Variants in SDE2 observed in about 807,000 individuals in gnomAD.
SDE2 encodes spliceosome associated SDE2.
SDE2 carries 31 observed loss-of-function variants against 46.9 expected under a neutral mutation model. The observed-to-expected ratio is 0.66, with a 90% CI of 0.50 to 0.89. The LOEUF is 0.89. Ranked by LOEUF, SDE2 falls within the 40% of genes least tolerant of loss-of-function variation. SDE2 has a pLI of 0.00. For missense variants in SDE2, 542 were observed against 564.4 expected (o/e 0.96, Z 0.40); for synonymous variants, 205 against 204.3 (o/e 1.00, Z -0.03).
chr1:225,996,156 T>C (rs1245451682), intron 1 of SDE2, among the ~76,000 whole-genome samples: 2 of 152,164 alleles, frequency 1.3e-5, no homozygotes. Context: ...CTGTCTGGGG[T>C]TCTCCCAGAC....
intron 5 of SDE2, among the ~76,000 whole-genome samples, chr1:225,990,754 A>G (rs1656380875): frequency 6.6e-6 from 1 of 152,238 alleles, no homozygotes; most frequent in Non-Finnish European, 1.5e-5. Context: ...AAGGGAAGTC[A>G]CTGGCAACAA....
intron 2 of SDE2, 124 bp downstream of exon 2, chr1:225,995,142 G>T: frequency 3.2e-6 from 2 of 625,622 alleles, no homozygotes. Context: ...ATACTAAAGA[G>T]ACTAAGAAGG....
In SDE2 at chr1:225,985,408, C is replaced by A; in HGVS notation, c.1250G>T (p.Gly417Val). 1 of 1,614,030 alleles carries A rather than the reference C, an allele frequency of 6.2e-7. No individual in the cohort carries two copies. The highest frequency in any genetic ancestry group is 8.5e-7 in the Non-Finnish European group (1 of 1,179,880). The part of the protein sequence containing the change: ...ELMALGLKCG[G>V]TLQERAARLF... ...TCTTGCTGCCCGCTCCTGCAGAGTGCCCCCACATTTCAGTCCAAGGGCCAT... is the reference window on the plus strand; with the variant it reads ...TCTTGCTGCCCGCTCCTGCAGAGTGACCCCACATTTCAGTCCAAGGGCCAT... The change falls in exon 7 of 7, where the codon GGC becomes GTC. Residue 417 changes from glycine to valine, a missense_variant. Around this residue, in one of 3 missense-constraint regions of SDE2, gnomAD observed 401 missense variants for 437.8 expected, o/e 0.92. Transcript: ENST00000272091.
intron 4 of SDE2, 148 bp from the exon 5 acceptor site, chr1:225,991,511 A>T: frequency 1.7e-6 from 1 of 592,826 alleles, no homozygotes; most frequent in Non-Finnish European, 2.9e-6. Flanking sequence ...TTAATCTCAA[A>T]TTTACACAGA....
At chr1:225,992,648 T>G (rs1196955407) in intron 3 of SDE2, 81 bp from the exon 4 acceptor site, 3 of 936,402 alleles carry the variant, frequency 3.2e-6, no homozygotes, top group Non-Finnish European at 4.9e-6. Flanking sequence ...TCTGACGAAT[T>G]AATGCACTTG....
intron 1 of SDE2, among the ~76,000 whole-genome samples, chr1:225,996,191 C>G (rs1220343839): frequency 6.6e-6 from 1 of 152,106 alleles, no homozygotes; most frequent in Non-Finnish European, 1.5e-5. Flanking sequence ...GAGAGAGGAG[C>G]AAGGGAGCTC....
At chr1:225,988,747 C>G (rs1246984757) in intron 5 of SDE2, among the ~76,000 whole-genome samples, 3 of 151,978 alleles carry the variant, frequency 2.0e-5, no homozygotes, top group African/African-American at 7.2e-5. Context: ...ATAAATAAAG[C>G]AAAGAGTTAT....
intron 2 of SDE2, among the ~76,000 whole-genome samples, chr1:225,993,587 G>A (rs1470226466): frequency 6.6e-6 from 1 of 151,822 alleles, no homozygotes; most frequent in Non-Finnish European, 1.5e-5. Context: ...ACTCCAGCCT[G>A]GGAAACAGAG....
At position 225,992,902 on chromosome 1, in the gene SDE2, A is replaced by G; in HGVS notation, c.339T>C (p.Asn113=). Residue 113 remains asparagine, a synonymous_variant, in exon 3 of 7, where the codon AAT becomes AAC. Transcript: ENST00000272091. ...GGTGGGCATCTTACGCTTTTTCATG[A>G]TTGACATCGCGTAGTCTCCTTCCAC... The part of the protein sequence containing the change: ...DLSGRRLRDV[N]HEKAMAEWVK... 6.2e-7 allele frequency: 1 copy of G among 1,603,436 alleles called. No homozygotes were observed.
chr1:225,987,867 T>C (rs1331302182), intron 6 of SDE2, 29 bp downstream of exon 6: 1 of 1,579,808 alleles, frequency 6.3e-7, no homozygotes, highest in Non-Finnish European at 8.6e-7. Flanking sequence ...CTGATTTGGC[T>C]CTAGGTATCA....
At chr1:225,994,743 A>G (rs929148849) in intron 2 of SDE2, among the ~76,000 whole-genome samples, 7 of 152,216 alleles carry the variant, frequency 4.6e-5, no homozygotes, top group African/African-American at 1.7e-4. Flanking sequence ...CTCTTCATCT[A>G]ATTTTCCCCC....
In SDE2 at chr1:225,983,358, T is replaced by G. The variant is rs909408386; in HGVS notation, c.*1944A>C. The G allele has an allele frequency of 6.6e-6, 1 of 152,164 alleles. No homozygotes were observed. Among genetic ancestry groups the G allele is most frequent in the African/African-American group, 2.4e-5 (1 of 41,448 alleles). The allele number at this position is 152,164 out of a possible 1,614,324, so 9.4% of individuals were successfully genotyped here. A position where few individuals can be genotyped will look rare whatever the true frequency, so the allele number is the denominator to read the frequency against. On this transcript the variant is annotated 3_prime_UTR_variant, in exon 7 of 7. Coordinates refer to ENST00000272091, the MANE Select transcript of SDE2 (RefSeq NM_152608.4). The stretch of plus-strand genomic sequence containing the variant: ...TAGGAAGACATAAGTTATTAGAGCT[T>G]CATACAAAAACTGGTAGAATTTAAG...
rs1440120006 is a variant in SDE2, at chr1:225,983,825, C to A, written c.*1477G>T. 6.6e-6 allele frequency: 1 copy of A among 151,984 alleles called. No homozygotes were observed. Among genetic ancestry groups the A allele is most frequent in the African/African-American group, 2.4e-5 (1 of 41,352 alleles). The allele number at this position is 151,984 out of a possible 1,614,324, so 9.4% of individuals were successfully genotyped here. A position where few individuals can be genotyped will look rare whatever the true frequency, so the allele number is the denominator to read the frequency against. ...AAATCATAAAGAGGATATTTTCTGA[C>A]CTCAATGGAATTAAAGTAGAAATCA... On this transcript the variant is annotated 3_prime_UTR_variant, in exon 7 of 7. Transcript: ENST00000272091.
Position 225,993,635 on chromosome 1 carries a change from C to T in SDE2, c.239-633G>A, listed in dbSNP as rs114465400. 4.4e-3 allele frequency among the ~76,000 whole-genome samples: 672 copies of T among 151,394 alleles called. 6 individuals are homozygous for T. Among genetic ancestry groups the T allele is most frequent in the African/African-American group, 0.016 (649 of 41,312 alleles). On this transcript the variant is annotated intron_variant, in intron 2 of 6. Transcript: ENST00000272091. ...TCAAAAAAAAAAAAAAGAAGCTTTA[C>T]ACAATCACAGAGATCCCAAGATTCT... is the stretch of plus-strand genomic sequence containing the variant.
In SDE2 at chr1:225,983,880, A is replaced by T. The variant is rs1403734288; in HGVS notation, c.*1422T>A. On this transcript the variant is annotated 3_prime_UTR_variant, in exon 7 of 7. Transcript: ENST00000272091. ...CAAGAAGATATTAAGAGGAAAAAAAACAAATGTTTGCTGATCAGACAACCC... is the reference window on the plus strand; with the variant it reads ...CAAGAAGATATTAAGAGGAAAAAAATCAAATGTTTGCTGATCAGACAACCC... 1 of 152,228 alleles carries T rather than the reference A, an allele frequency of 6.6e-6. No individual in the cohort carries two copies. Among genetic ancestry groups the T allele is most frequent in the Non-Finnish European group, 1.5e-5 (1 of 68,042 alleles). The allele number at this position is 152,228 out of a possible 1,614,324, so 9.4% of individuals were successfully genotyped here. A position where few individuals can be genotyped will look rare whatever the true frequency, so the allele number is the denominator to read the frequency against.
At position 225,988,281 on chromosome 1, in the gene SDE2, T is replaced by G. The variant is rs754322145; in HGVS notation, c.749A>C (p.Lys250Thr). Reference protein sequence around the residue: ...STSGMGFHAPKIGSNGVEMAA... With the variant: ...STSGMGFHAPTIGSNGVEMAA... ...CATCTCGACACCATTGCTACCAATT[T>G]TTGGAGCATGGAAACCCATTCCTGA... Residue 250 changes from lysine (K) to threonine (T), a missense_variant, in exon 6 of 7, where the codon AAA (lysine) becomes ACA (threonine). Lys to Thr is a moderately conservative substitution (Grantham distance 78). Transcript: ENST00000272091. 8.1e-6 allele frequency: 13 copies of G among 1,614,234 alleles called. No homozygotes were observed. Among genetic ancestry groups the G allele is most frequent in the Non-Finnish European group, 1.0e-5 (12 of 1,180,056 alleles).
At chr1:225,989,302 A>AT (rs1656340453) in intron 5 of SDE2, among the ~76,000 whole-genome samples, 1 of 145,156 alleles carries the variant, frequency 6.9e-6, no homozygotes, top group African/African-American at 2.6e-5. Context: ...TCAAAAAAAA[A>AT]AAAAAAATAA....
intron 1 of SDE2, among the ~76,000 whole-genome samples, chr1:225,998,380 A>C (rs1458257149): frequency 6.6e-6 from 1 of 152,238 alleles, no homozygotes. Flanking sequence ...TGTTAAGCTT[A>C]TAAATAGTAA....
rs1656495889 is a variant in SDE2, at chr1:225,995,267, T to G, written c.237A>C (p.Gly79=). The change falls in exon 2 of 7, where the codon GGA becomes GGC. Residue 79 remains glycine (G), a splice_region_variant and synonymous_variant. Transcript: ENST00000272091. Reference sequence around the variant, plus strand: ...AAGTAGTCAATGTTCAGGTCCTACCTCCTTTTCCACCGCAAAGTCTGGGTT... The same window carrying G: ...AAGTAGTCAATGTTCAGGTCCTACCGCCTTTTCCACCGCAAAGTCTGGGTT... The part of the protein sequence containing the change: ...SLEPRLCGGK[G]GFGSMLRALG... The G allele has an allele frequency of 6.5e-7, 1 of 1,545,374 alleles. No homozygotes were observed. Among genetic ancestry groups the G allele is most frequent in the South Asian group, 1.1e-5 (1 of 88,894 alleles).
Sources: gnomAD v4.1 joint callset for allele counts (sites outside exome capture counted in the v4.1 genomes callset) on GRCh38, gnomAD v4.1.1 for gene constraint, gnomAD v4.1.1 regional missense constraint, MANE v1.5 for transcripts, NCBI Gene and HGNC (gene_info 2026-07-23, HGNC 2026-07-21) for gene names.